The following RSF1 variants were observed in gnomAD, a reference collection of about 807,000 sequenced individuals.
RSF1 encodes HBV pX-associated protein 8.
In RSF1, 13 loss-of-function variants were observed where a neutral mutation model predicts 145.2. The observed-to-expected ratio is 0.09, with a 90% CI of 0.06 to 0.14. The LOEUF (loss-of-function observed/expected upper bound fraction) is 0.14. Among genes scored for constraint, RSF1 ranks in the 10% least tolerant of loss-of-function variants. RSF1 has a pLI of 1.00. For missense variants in RSF1, 1,517 were observed against 1,718.2 expected (o/e 0.88, Z 2.07); for synonymous variants, 577 against 592.6 (o/e 0.97, Z 0.38).
intron 1 of RSF1, among the ~76,000 whole-genome samples, chr11:77,779,311 G>A (rs758100108): frequency 3.3e-5 from 5 of 151,956 alleles, no homozygotes; most frequent in Non-Finnish European, 7.4e-5. Context: ...GAGCTCAAGC[G>A]ATCCTACTGC....
At chr11:77,868,487 T>C in the RSF1 span, among the ~76,000 whole-genome samples, 1 of 150,538 alleles carries the variant, frequency 6.6e-6, no homozygotes, top group Non-Finnish European at 1.5e-5. Flanking sequence ...GCCTCCCGAA[T>C]AGCTGGGACT....
chr11:77,851,646 A>G, the RSF1 span: 2 of 152,048 alleles, frequency 1.3e-5, no homozygotes, highest in Non-Finnish European at 2.9e-5. Context: ...TGAGTTGTCA[A>G]GAGATCTGGT....
chr11:77,855,528 A>G, the RSF1 span: 1 of 161,926 alleles, frequency 6.2e-6, no homozygotes, highest in Non-Finnish European at 1.3e-5. Flanking sequence ...ACGGGGTGTC[A>G]CCGTGTTAGC....
chr11:77,761,828 ATTTTT>A (rs11381383), intron 2 of RSF1, among the ~76,000 whole-genome samples: 1 of 119,578 alleles, frequency 8.4e-6, no homozygotes. Context: ...CCATTCGGTG[ATTTTT>A]TTTTTTTTTT....
intron 1 of RSF1, among the ~76,000 whole-genome samples, chr11:77,794,130 T>C (rs1338788581): frequency 6.6e-6 from 1 of 152,030 alleles, no homozygotes; most frequent in Non-Finnish European, 1.5e-5. Flanking sequence ...TAAGACAGAT[T>C]CTCTAGACAG....
intron 4 of RSF1, among the ~76,000 whole-genome samples, chr11:77,737,621 G>GTGTGTGTGTGTGTGT (rs1554991241): frequency 0.02 from 1,843 of 93,376 alleles, 38 homozygotes; most frequent in East Asian, 0.024. Flanking sequence ...TGTTTTGGGG[G>GTGTGTGTGTGTGTGT]GTGTGTGTGT....
intron 9 of RSF1, among the ~76,000 whole-genome samples, chr11:77,685,679 T>C (rs982030667): frequency 6.6e-6 from 1 of 152,168 alleles, no homozygotes; most frequent in Non-Finnish European, 1.5e-5. Flanking sequence ...GATAACAATA[T>C]CTTTCAGAAA....
the RSF1 span, among the ~76,000 whole-genome samples, chr11:77,862,778 T>C: frequency 6.6e-6 from 1 of 152,252 alleles, no homozygotes; most frequent in South Asian, 2.1e-4. Context: ...GATGGTGTTA[T>C]AATTTATACT....
intron 4 of RSF1, among the ~76,000 whole-genome samples, chr11:77,732,472 A>G (rs1166178959): frequency 2.0e-5 from 3 of 152,188 alleles, no homozygotes; most frequent in Non-Finnish European, 4.4e-5. Flanking sequence ...CTATGAGGAC[A>G]TGAGATTTAG....
At chr11:77,854,282 G>A in the RSF1 span, among the ~76,000 whole-genome samples, 4 of 152,048 alleles carry the variant, frequency 2.6e-5, no homozygotes, top group Non-Finnish European at 5.9e-5. Context: ...GTGAGCCACC[G>A]TGCCCGGCTA....
At chr11:77,762,033 T>TCTTTTTTTC (rs543266605) in intron 2 of RSF1, 1 of 119,452 alleles carries the variant, frequency 8.4e-6, no homozygotes, top group East Asian at 2.3e-4. Flanking sequence ...TTTTCTTTTT[T>TCTTTTTTTC]TTTTTTTTTT....
chr11:77,823,997 G>T (rs960306022), upstream of RSF1, among the ~76,000 whole-genome samples: 3 of 152,062 alleles, frequency 2.0e-5, no homozygotes, highest in Non-Finnish European at 4.4e-5. Context: ...ATAAATAAAG[G>T]TTAGAGTTTC....
rs1426769511 is a variant in RSF1 at position 77,793,055 on chromosome 11, GAAGA to G, written c.187+27469_187+27472del. ...ACAAAGATAAACAAGAAAAAGAAAA[GAAGA>G]AAGAAATACATACAACAAGCAGAAA... On this transcript the variant is annotated intron_variant, in intron 1 of 15. Coordinates refer to ENST00000308488, the MANE Select transcript of RSF1 (RefSeq NM_016578.4). 3.3e-5 allele frequency among the ~76,000 whole-genome samples: 5 copies of G among 152,090 alleles called. 1 individual carries two copies. Among genetic ancestry groups the G allele is most frequent in the South Asian group, 4.1e-4 (2 of 4,828 alleles).
chr11:77,757,197 T>C (rs1298908047), intron 2 of RSF1, among the ~76,000 whole-genome samples: 1 of 152,032 alleles, frequency 6.6e-6, no homozygotes, highest in Non-Finnish European at 1.5e-5. Context: ...TCTGTCAAGG[T>C]GGAGTTGAAT....
At chr11:77,755,451 G>A (rs1253594557) in intron 2 of RSF1, among the ~76,000 whole-genome samples, 1 of 152,214 alleles carries the variant, frequency 6.6e-6, no homozygotes, top group Non-Finnish European at 1.5e-5. Flanking sequence ...GGAAGTTAAT[G>A]AGAGATTTGT....
Position 77,667,305 on chromosome 11 carries a change from T to C in RSF1, c.3938A>G (p.Asn1313Ser), listed in dbSNP as rs1239899669. The C allele has an allele frequency of 1.1e-5, 17 of 1,614,182 alleles. No homozygotes were observed. The highest frequency in any genetic ancestry group is 1.6e-4 in the Middle Eastern group (1 of 6,062). ...IETDEEESCD[N>S]AHGDANQPAR... ...AGGCTGATTTGCATCTCCATGAGCA[T>C]TGTCACAACTCTCCTCCTCATCCGT... Residue 1313 changes from asparagine (N) to serine (S), a missense_variant, in exon 16 of 16, where the codon AAT becomes AGT. Transcript: ENST00000308488.
At position 77,664,296 on chromosome 11, in the gene RSF1, A is replaced by T. The variant is rs556197889; in HGVS notation, c.*2621T>A. The T allele has an allele frequency of 1.3e-5, 2 of 152,308 alleles. No homozygotes were observed. Among genetic ancestry groups the T allele is most frequent in the South Asian group, 4.1e-4 (2 of 4,822 alleles). 9.4% of individuals were successfully genotyped at this position (152,308 alleles called of 1,614,324 possible). ...TTGGTAGATGACCTATAGTTAATTG[A>T]TTTAATCAAAATATAAGGTGAGAAG... is the stretch of plus-strand genomic sequence containing the variant. On this transcript the variant is annotated 3_prime_UTR_variant, in exon 16 of 16. Coordinates refer to ENST00000308488, the MANE Select transcript of RSF1 (RefSeq NM_016578.4).
At chr11:77,740,027 T>C (rs1256056495) in intron 4 of RSF1, among the ~76,000 whole-genome samples, 2 of 152,240 alleles carry the variant, frequency 1.3e-5, no homozygotes, top group African/African-American at 2.4e-5. Context: ...ATATACTGTG[T>C]CAAGATGAAC....
chr11:77,790,629 T>TA (rs1427096476), intron 1 of RSF1, among the ~76,000 whole-genome samples: 1 of 152,120 alleles, frequency 6.6e-6, no homozygotes, highest in Non-Finnish European at 1.5e-5. Context: ...AAAAGCAAGT[T>TA]AGTTACTTCC....
Sources: gnomAD v4.1 joint callset for allele counts (sites outside exome capture counted in the v4.1 genomes callset) on GRCh38, gnomAD v4.1.1 for gene constraint, MANE v1.5 for transcripts, NCBI Gene and HGNC (gene_info 2026-07-23, HGNC 2026-07-21) for gene names.